CFAP58: variants seen among roughly 807,000 people sequenced by gnomAD.
CFAP58 encodes cilia- and flagella-associated protein 58.
In CFAP58, 88 loss-of-function variants were observed where a neutral mutation model predicts 119.5. The observed-to-expected ratio is 0.74, with a 90% CI of 0.62 to 0.88. The LOEUF (loss-of-function observed/expected upper bound fraction) is 0.88, where lower values mean the gene tolerates loss of function less well. Ranked by LOEUF, CFAP58 falls within the 40% of genes least tolerant of loss-of-function variation. The probability of loss-of-function intolerance (pLI) is 0.00; values close to 1 mark genes in which losing one functional copy is unlikely to be tolerated. For synonymous variants in CFAP58, 365 were observed against 366.3 expected (o/e 1.00, Z 0.04); for missense variants, 990 against 1,021.2 (o/e 0.97, Z 0.42).
At chr10:104,417,186 C>T (rs527579311) in intron 15 of CFAP58, among the ~76,000 whole-genome samples, 1 of 152,356 alleles carries the variant, frequency 6.6e-6, no homozygotes, top group African/African-American at 2.4e-5. Context: ...AGCTGTGGTG[C>T]TGGTGGGCCC....
At chr10:104,424,171 A>G (rs193290813) in intron 15 of CFAP58, among the ~76,000 whole-genome samples, 235 of 152,274 alleles carry the variant, frequency 1.5e-3, no homozygotes, top group Admixed American at 3.9e-3. Flanking sequence ...CATGTATTTA[A>G]TGTGTAGGAA....
At chr10:104,366,577 G>A (rs559738541) in intron 5 of CFAP58, among the ~76,000 whole-genome samples, 2 of 152,136 alleles carry the variant, frequency 1.3e-5, no homozygotes, top group African/African-American at 4.8e-5. Flanking sequence ...GACTTGTGAT[G>A]CCCAATATGG....
At chr10:104,403,643 C>A in intron 13 of CFAP58, 86 bp from the exon 14 acceptor site, 2 of 802,156 alleles carry the variant, frequency 2.5e-6, no homozygotes, top group Non-Finnish European at 4.0e-6. Flanking sequence ...TTATATAAGA[C>A]ATAGTGTGTA....
At chr10:104,358,928 G>A (rs193046266) in intron 2 of CFAP58, among the ~76,000 whole-genome samples, 31 of 152,328 alleles carry the variant, frequency 2.0e-4, no homozygotes, top group Non-Finnish European at 3.5e-4. Context: ...TTTGATGCAT[G>A]ATGAGTAATT....
At chr10:104,376,936 C>CA in intron 8 of CFAP58, 43 bp downstream of exon 8, 1 of 1,478,844 alleles carries the variant, frequency 6.8e-7, no homozygotes, top group Non-Finnish European at 9.4e-7. Context: ...TGTCTTTCTT[C>CA]AGCACTGTAA....
intron 15 of CFAP58, among the ~76,000 whole-genome samples, chr10:104,445,098 G>A (rs2013093358): frequency 6.6e-6 from 1 of 151,878 alleles, no homozygotes; most frequent in Non-Finnish European, 1.5e-5. Context: ...TGAGGTGAGT[G>A]GATAAAATGA....
At chr10:104,392,540 G>A (rs2133032197) in intron 10 of CFAP58, 146 bp downstream of exon 10, 1 of 517,788 alleles carries the variant, frequency 1.9e-6, no homozygotes, top group South Asian at 3.9e-5. Flanking sequence ...ACGCAAAACT[G>A]TCAGGTTATT....
chr10:104,378,636 C>T (rs2011716220), intron 8 of CFAP58, among the ~76,000 whole-genome samples: 1 of 152,204 alleles, frequency 6.6e-6, no homozygotes, highest in Admixed American at 6.5e-5. Context: ...TGAAGATTGT[C>T]ACTGTCTCTC....
chr10:104,420,294 G>A (rs571302952), intron 15 of CFAP58, among the ~76,000 whole-genome samples: 4 of 152,242 alleles, frequency 2.6e-5, no homozygotes, highest in Admixed American at 6.5e-5. Flanking sequence ...AACTTCCATA[G>A]CATTAGAGTA....
rs1325713243 is a variant in CFAP58 at position 104,380,105 on chromosome 10, T to C, written c.1250T>C (p.Leu417Pro). ...VKLHEQAKRN[L>P]EGEIQNYKDE... is the part of the protein sequence containing the mutation. ...CTCCATGAACAAGCCAAGAGGAACC[T>C]GGAGGGAGAAATCCAGAACTACAAG... The change falls in exon 9 of 18, where the codon CTG becomes CCG. Residue 417 changes from leucine (L) to proline (P), a missense_variant. Physicochemically the swap from Leu to Pro is moderately conservative, Grantham distance 98. Transcript: ENST00000369704. 3 of 1,614,054 alleles carry C rather than the reference T, an allele frequency of 1.9e-6. No individual in the cohort carries two copies. Among genetic ancestry groups the C allele is most frequent in the African/African-American group, 1.3e-5 (1 of 75,004 alleles).
At chr10:104,436,324 C>T (rs2012933539) in intron 15 of CFAP58, among the ~76,000 whole-genome samples, 2 of 152,234 alleles carry the variant, frequency 1.3e-5, no homozygotes, top group African/African-American at 4.8e-5. Context: ...ATCTGTTATA[C>T]ACCAAGAAGC....
rs1334639378 is a variant in CFAP58, at chr10:104,397,610, G to A, written c.1675-1750G>A. ...TTGGTGTCATTTCTGGGTAGGCGGG[G>A]GTCCAAATATTGACTTGAAGGAAAA... On this transcript the variant is annotated intron_variant, in intron 11 of 17. Transcript: ENST00000369704. Among the ~76,000 whole-genome samples, 4 of 152,132 alleles carry A rather than the reference G, an allele frequency of 2.6e-5. No homozygotes were observed. The South Asian group carries it at 6.2e-4, about 24-fold the overall frequency.
At chr10:104,394,772 C>A (rs564668508) in intron 11 of CFAP58, among the ~76,000 whole-genome samples, 1 of 152,258 alleles carries the variant, frequency 6.6e-6, no homozygotes, top group African/African-American at 2.4e-5. Context: ...CATATATTTT[C>A]TAAAACTGGA....
At chr10:104,349,582 T>C (rs564070395), upstream of CFAP58, among the ~76,000 whole-genome samples, 6 of 152,208 alleles carry the variant, frequency 3.9e-5, no homozygotes, top group Non-Finnish European at 8.8e-5. Flanking sequence ...CATTAACTTA[T>C]GAATTTTGGA....
chr10:104,438,469 G>A (rs1490825143), intron 15 of CFAP58, among the ~76,000 whole-genome samples: 1 of 145,070 alleles, frequency 6.9e-6, no homozygotes, highest in Non-Finnish European at 1.5e-5. Flanking sequence ...TCCGCTTCCC[G>A]GGTTCACGCC....
chr10:104,389,328 A>G (rs1011208678), intron 9 of CFAP58, among the ~76,000 whole-genome samples: 2 of 152,156 alleles, frequency 1.3e-5, no homozygotes, highest in Admixed American at 6.5e-5. Flanking sequence ...ACTTTTGTGC[A>G]TGTTGTCTGC....
chr10:104,362,057 C>T lies in CFAP58; in HGVS notation c.326C>T (p.Ala109Val). Residue 109 changes from alanine (A) to valine (V), a missense_variant, in exon 3 of 18, where the codon GCC becomes GTC. Transcript: ENST00000369704. ...IEKAWKMVDS[A>V]YDKEQKAKET... The stretch of plus-strand genomic sequence containing the variant: ...AAGGCCTGGAAGATGGTGGACTCAG[C>T]CTATGACAAAGAGCAGAAGGCCAAG... 2 of 1,614,020 alleles carry T rather than the reference C, an allele frequency of 1.2e-6. No homozygotes were observed. The highest frequency in any genetic ancestry group is 1.7e-6 in the Non-Finnish European group (2 of 1,179,982).
Position 104,362,027 on chromosome 10 carries a change from T to C in CFAP58, c.296T>C (p.Ile99Thr), listed in dbSNP as rs766795074. The change falls in exon 3 of 18, where the codon ATT (isoleucine) becomes ACT (threonine). Residue 99 changes from isoleucine to threonine, a missense_variant. Ile to Thr is a moderately conservative substitution (Grantham distance 89, BLOSUM62 -1). Coordinates refer to ENST00000369704, the MANE Select transcript of CFAP58 (RefSeq NM_001008723.2). ...GATATCCTATGGCCCATCTAGGAAA[T>C]TGAAAAGGCCTGGAAGATGGTGGAC... ...QTTIASLKKE[I>T]EKAWKMVDSA... is the part of the protein sequence containing the mutation. The C allele has an allele frequency of 1.9e-5, 31 of 1,612,900 alleles. No homozygotes were observed. Among genetic ancestry groups the C allele is most frequent in the Non-Finnish European group, 2.4e-5 (28 of 1,179,634 alleles).
At chr10:104,422,654 G>A (rs2012680143) in intron 15 of CFAP58, among the ~76,000 whole-genome samples, 1 of 152,200 alleles carries the variant, frequency 6.6e-6, no homozygotes, top group Admixed American at 6.5e-5. Context: ...GAGGGAAGTA[G>A]TGTCTGAACT....
Sources: gnomAD v4.1 joint callset for allele counts (sites outside exome capture counted in the v4.1 genomes callset) on GRCh38, gnomAD v4.1.1 for gene constraint, MANE v1.5 for transcripts, NCBI Gene and HGNC (gene_info 2026-07-23, HGNC 2026-07-21) for gene names.